ELOVL5: variants seen among roughly 807,000 people sequenced by gnomAD.
ELOVL5 encodes very long chain fatty acid elongase 5.
ELOVL5 carries 8 observed loss-of-function variants against 38.6 expected under a neutral mutation model. The observed-to-expected ratio is 0.21, with a 90% CI of 0.12 to 0.37. The LOEUF (loss-of-function observed/expected upper bound fraction) is 0.37, where lower values mean the gene tolerates loss of function less well. Among genes scored for constraint, ELOVL5 ranks in the 10% least tolerant of loss-of-function variants. The pLI, the probability that ELOVL5 is intolerant of heterozygous loss-of-function variation, is 1.00. For synonymous variants in ELOVL5, 127 were observed against 133.7 expected (o/e 0.95, Z 0.34); for missense variants, 280 against 367.8 (o/e 0.76, Z 1.95).
chr6:53,344,630 G>C (rs1769461234), intron 1 of ELOVL5, among the ~76,000 whole-genome samples: 1 of 152,158 alleles, frequency 6.6e-6, no homozygotes, highest in African/African-American at 2.4e-5. Context: ...GAATGCTGTA[G>C]CATCCATTAA....
chr6:53,325,031 C>T (rs1239435582), intron 1 of ELOVL5, among the ~76,000 whole-genome samples: 1 of 152,120 alleles, frequency 6.6e-6, no homozygotes, highest in Admixed American at 6.5e-5. Flanking sequence ...TCCATCTAGA[C>T]CGAAACAAGG....
chr6:53,333,598 G>C (rs1486583761), intron 1 of ELOVL5, among the ~76,000 whole-genome samples: 1 of 152,102 alleles, frequency 6.6e-6, no homozygotes, highest in Admixed American at 6.5e-5. Flanking sequence ...TCACAATTTA[G>C]CACACAAAAA....
intron 1 of ELOVL5, among the ~76,000 whole-genome samples, chr6:53,313,345 T>A (rs1767914555): frequency 1.3e-5 from 2 of 151,730 alleles, no homozygotes; most frequent in Admixed American, 6.6e-5. Context: ...TTTTAATACA[T>A]GGTACATAGA....
At chr6:53,281,627 A>T (rs948909904) in intron 3 of ELOVL5, among the ~76,000 whole-genome samples, 1 of 152,234 alleles carries the variant, frequency 6.6e-6, no homozygotes, top group African/African-American at 2.4e-5. Context: ...TCTTCCGCAG[A>T]TGTTTGGTTT....
At chr6:53,302,403 A>G (rs1767292590) in intron 1 of ELOVL5, among the ~76,000 whole-genome samples, 1 of 152,212 alleles carries the variant, frequency 6.6e-6, no homozygotes, top group Non-Finnish European at 1.5e-5. Flanking sequence ...TCCCAAGGAC[A>G]ACAGAACATG....
intron 3 of ELOVL5, among the ~76,000 whole-genome samples, chr6:53,284,648 C>G (rs976180778): frequency 6.6e-6 from 1 of 152,184 alleles, no homozygotes; most frequent in South Asian, 2.1e-4. Flanking sequence ...GTATATATTA[C>G]AGGTTTTCTT....
chr6:53,283,674 G>A (rs993845885), intron 3 of ELOVL5, among the ~76,000 whole-genome samples: 2 of 152,004 alleles, frequency 1.3e-5, no homozygotes, highest in Admixed American at 1.3e-4. Flanking sequence ...AATGAAGGAA[G>A]TAGGAGTGAA....
At chr6:53,300,233 A>G (rs971913496) in intron 1 of ELOVL5, among the ~76,000 whole-genome samples, 3 of 152,162 alleles carry the variant, frequency 2.0e-5, no homozygotes, top group African/African-American at 4.8e-5. Flanking sequence ...CACCTTCACC[A>G]AAAGCTTCAT....
At position 53,295,598 on chromosome 6, in the gene ELOVL5, G is replaced by A. The variant is rs779736198; in HGVS notation, c.58+44C>T. 12 of 1,324,040 alleles carry A rather than the reference G, an allele frequency of 9.1e-6. No individual in the cohort carries two copies. In the South Asian group the frequency reaches 1.0e-4, roughly 11 times the overall value. 82.0% of individuals were successfully genotyped at this position (1,324,040 alleles called of 1,614,324 possible). A position where few individuals can be genotyped will look rare whatever the true frequency, so the allele number is the denominator to read the frequency against. On this transcript the variant is annotated intron_variant, in intron 2 of 7. Coordinates refer to ENST00000304434, the MANE Select transcript of ELOVL5 (RefSeq NM_021814.5). ...AATATTTACAAGGGACTATAGGCAG[G>A]GAGTGATGCTGCAGAAGGTAAGCAA...
chr6:53,325,134 T>C (rs1000265514), intron 1 of ELOVL5, among the ~76,000 whole-genome samples: 1 of 152,174 alleles, frequency 6.6e-6, no homozygotes, highest in Non-Finnish European at 1.5e-5. Context: ...ATCCTACTAA[T>C]AAGTTTTCAG....
At chr6:53,289,004 A>C (rs1332714879) in intron 3 of ELOVL5, among the ~76,000 whole-genome samples, 4 of 152,198 alleles carry the variant, frequency 2.6e-5, no homozygotes, top group African/African-American at 9.7e-5. Context: ...GGCGAGAAGC[A>C]GTGAGCACCA....
intron 3 of ELOVL5, among the ~76,000 whole-genome samples, chr6:53,284,309 T>G (rs1463896397): frequency 1.5e-5 from 2 of 133,628 alleles, no homozygotes; most frequent in Non-Finnish European, 3.2e-5. Context: ...ATCTTTTTTT[T>G]TTTTTAAAAA....
Position 53,273,298 on chromosome 6 carries a change from G to A in ELOVL5, c.543C>T (p.Tyr181=). 6.2e-7 allele frequency: 1 copy of A among 1,613,540 alleles called. No individual in the cohort carries two copies. The highest frequency in any genetic ancestry group is 1.3e-5 in the African/African-American group (1 of 74,994). ...GGACTGACGACAAACCATAGTAAGAGTACATGAGGACGTGGATGAAGCTAT... is the reference window on the plus strand; with the variant it reads ...GGACTGACGACAAACCATAGTAAGAATACATGAGGACGTGGATGAAGCTAT... ...TLNSFIHVLM[Y]SYYGLSSVPS... Residue 181 remains tyrosine (Y), a synonymous_variant, in exon 6 of 8, where the codon TAC becomes TAT. Coordinates refer to ENST00000304434, the MANE Select transcript of ELOVL5 (RefSeq NM_021814.5).
Position 53,348,875 on chromosome 6 carries a change from G to A in ELOVL5, c.-67C>T, listed in dbSNP as rs771345463. ...AGCAGCAAGGCGGCGGCGGCGGAGGGAGCGCGGGTGGCAGCCGGCGCAGAG... is the reference window on the plus strand; with the variant it reads ...AGCAGCAAGGCGGCGGCGGCGGAGGAAGCGCGGGTGGCAGCCGGCGCAGAG... On this transcript the variant is annotated 5_prime_UTR_variant, in exon 1 of 8. Coordinates refer to ENST00000304434, the MANE Select transcript of ELOVL5 (RefSeq NM_021814.5). The A allele has an allele frequency of 6.6e-6, 3 of 456,346 alleles. No individual in the cohort carries two copies. The highest frequency in any genetic ancestry group is 1.3e-5 in the Non-Finnish European group (3 of 227,166). The allele number at this position is 456,346 out of a possible 1,614,324, so 28.3% of individuals were successfully genotyped here.
intron 3 of ELOVL5, among the ~76,000 whole-genome samples, chr6:53,281,991 C>T (rs2127570517): frequency 6.6e-6 from 1 of 152,330 alleles, no homozygotes; most frequent in Middle Eastern, 3.4e-3. Flanking sequence ...GTATGTCTGG[C>T]ATTTTCCCTG....
intron 4 of ELOVL5, among the ~76,000 whole-genome samples, chr6:53,275,752 G>A (rs1766087157): frequency 1.3e-5 from 2 of 152,202 alleles, no homozygotes; most frequent in Non-Finnish European, 2.9e-5. Context: ...AGTGCTCTAA[G>A]GAGATGACTG....
At chr6:53,282,616 T>A (rs1766401514) in intron 3 of ELOVL5, among the ~76,000 whole-genome samples, 1 of 152,224 alleles carries the variant, frequency 6.6e-6, no homozygotes, top group African/African-American at 2.4e-5. Flanking sequence ...ATTTTAGTTG[T>A]AAGGAAACTA....
chr6:53,338,665 T>C, intron 1 of ELOVL5, among the ~76,000 whole-genome samples: 1 of 152,210 alleles, frequency 6.6e-6, no homozygotes, highest in Non-Finnish European at 1.5e-5. Flanking sequence ...TTCAATCATA[T>C]TCTAAACATC....
intron 1 of ELOVL5, among the ~76,000 whole-genome samples, chr6:53,302,809 T>TTC (rs1224119943): frequency 1.3e-5 from 2 of 152,176 alleles, no homozygotes; most frequent in African/African-American, 4.8e-5. Flanking sequence ...AAAGCTCCCT[T>TTC]TCCTGTGGTA....
Sources: allele counts gnomAD v4.1 joint callset (sites outside exome capture counted in the v4.1 genomes callset), GRCh38; gene constraint gnomAD v4.1.1; transcripts MANE v1.5; gene names NCBI Gene and HGNC (gene_info 2026-07-23, HGNC 2026-07-21).